The following PTPN14 variants were observed in gnomAD, a reference collection of about 807,000 sequenced individuals.
The protein encoded by PTPN14 is tyrosine-protein phosphatase non-receptor type 14.
A neutral mutation model predicts 126.8 loss-of-function variants in PTPN14; 53 were observed. The ratio of observed to expected loss-of-function variants is 0.42; its 90% CI spans 0.34 to 0.53. The LOEUF (loss-of-function observed/expected upper bound fraction) is 0.53. Ranked by LOEUF, PTPN14 falls within the 20% of genes least tolerant of loss-of-function variation. The probability of loss-of-function intolerance (pLI) is 0.08; values close to 1 mark genes in which losing one functional copy is unlikely to be tolerated. For synonymous variants in PTPN14, 630 were observed against 599.3 expected, an observed-to-expected ratio of 1.05 and a Z score of -0.75; for missense variants, 1,257 against 1,552.9, an observed-to-expected ratio of 0.81 and a Z score of 3.20.
At chr1:214,471,040 C>A (rs201866515) in intron 1 of PTPN14, among the ~76,000 whole-genome samples, 9 of 123,638 alleles carry the variant, frequency 7.3e-5, no homozygotes, top group South Asian at 2.8e-4. Flanking sequence ...AAAAAAAAAA[C>A]AAAACAAAAA....
chr1:214,533,165 G>A (rs1009721281), intron 1 of PTPN14: 24 of 752,974 alleles, frequency 3.2e-5, no homozygotes, highest in Admixed American at 1.6e-4. Context: ...GTGGAGGTCC[G>A]CTACACCCTG....
chr1:214,482,264 G>A (rs1034716949), intron 1 of PTPN14, among the ~76,000 whole-genome samples: 1 of 104,118 alleles, frequency 9.6e-6, no homozygotes, highest in Non-Finnish European at 2.1e-5. Context: ...TCAGAGGGTT[G>A]TAAAAAAAAT....
At chr1:214,450,961 A>T (rs1660259985) in intron 3 of PTPN14, among the ~76,000 whole-genome samples, 1 of 152,174 alleles carries the variant, frequency 6.6e-6, no homozygotes, top group South Asian at 2.1e-4. Flanking sequence ...TCTTCTACTG[A>T]TGGCTTCTTG....
Position 214,378,108 on chromosome 1 carries a change from G to T in PTPN14, c.2545-6C>A. 1 of 1,605,086 alleles carries T rather than the reference G, an allele frequency of 6.2e-7. No homozygotes were observed. The highest frequency in any genetic ancestry group is 8.5e-7 in the Non-Finnish European group (1 of 1,177,726). ...ATCTTCTGCTTCTCTAGATTCTTGC[G>T]GCAAGAAAAGGCATGTGCTCATTGT... On this transcript the variant is annotated splice_region_variant and splice_polypyrimidine_tract_variant and intron_variant, in intron 13 of 18. Transcript: ENST00000366956.
intron 5 of PTPN14, among the ~76,000 whole-genome samples, chr1:214,406,852 G>C (rs1659183543): frequency 6.6e-6 from 1 of 152,134 alleles, no homozygotes; most frequent in African/African-American, 2.4e-5. Flanking sequence ...AAAACTCTGA[G>C]AAGCACCCAA....
intron 1 of PTPN14, among the ~76,000 whole-genome samples, chr1:214,520,065 A>AAAAAAAAAAAATATATATATATAT: frequency 1.4e-5 from 1 of 71,112 alleles, no homozygotes; most frequent in South Asian, 6.5e-4. Context: ...AAAAAAAAAA[A>AAAAAAAAAAAATATATATATATAT]ATATATATAT....
chr1:214,421,093 A>C (rs1420260250), intron 3 of PTPN14, among the ~76,000 whole-genome samples: 1 of 152,190 alleles, frequency 6.6e-6, no homozygotes, highest in African/African-American at 2.4e-5. Flanking sequence ...TTCACACCAA[A>C]ACTGATACAT....
rs112720178 is a variant in PTPN14, at chr1:214,472,548, G to A, written c.-154-7591C>T. 2.5e-3 allele frequency among the ~76,000 whole-genome samples: 386 copies of A among 152,328 alleles called. 1 individual carries two copies. Among genetic ancestry groups the A allele is most frequent in the African/African-American group, 8.9e-3 (372 of 41,568 alleles). ...AACACAGTCATTATGAAGAAAGAATGAATCCTGAGATCACTAGCTTTTTGA... is the reference window on the plus strand; with the variant it reads ...AACACAGTCATTATGAAGAAAGAATAAATCCTGAGATCACTAGCTTTTTGA... On this transcript the variant is annotated intron_variant, in intron 1 of 18. Coordinates refer to ENST00000366956, the MANE Select transcript of PTPN14 (RefSeq NM_005401.5).
intron 3 of PTPN14, among the ~76,000 whole-genome samples, chr1:214,433,101 C>T (rs1659830840): frequency 6.6e-6 from 1 of 151,958 alleles, no homozygotes; most frequent in Admixed American, 6.6e-5. Context: ...GACAGGGTTT[C>T]CCAGTGTTTG....
At position 214,383,539 on chromosome 1, in the gene PTPN14, A is replaced by G. The variant is rs1439328691; in HGVS notation, c.2316T>C (p.Pro772=). Residue 772 remains proline (P), a synonymous_variant, in exon 13 of 19, where the codon CCT becomes CCC. Transcript: ENST00000366956. The surrounding 1 kb of genome is among the most constrained non-coding windows in gnomAD (Gnocchi z 4.4). ...GCACCCTGGCTCTGGCCATGGCGGG[A>G]GGAAGGCTGGCTTGGTCCTGCCTCA... ...GALRQDQASL[P]PAMARARVLR... 1.9e-6 allele frequency: 3 copies of G among 1,613,808 alleles called. No individual in the cohort carries two copies. The South Asian group carries it at 3.3e-5, about 18-fold the overall frequency.
chr1:214,533,534 T>TAAA (rs566782675), intron 1 of PTPN14: 46 of 209,928 alleles, frequency 2.2e-4, no homozygotes, highest in East Asian at 8.5e-4. Context: ...GCGGTTTAAA[T>TAAA]AAAAAAAAAA....
chr1:214,367,003 C>G (rs1403860370), intron 17 of PTPN14, among the ~76,000 whole-genome samples: 1 of 149,686 alleles, frequency 6.7e-6, no homozygotes, highest in Non-Finnish European at 1.5e-5. Context: ...AAAAAAAATA[C>G]TATGTCTTTT....
intron 16 of PTPN14, among the ~76,000 whole-genome samples, chr1:214,371,833 A>G (rs1265016879): frequency 6.6e-6 from 1 of 152,158 alleles, no homozygotes; most frequent in Non-Finnish European, 1.5e-5. Context: ...CTGTGCTGAG[A>G]AGCAAATGCT....
rs1657855023 is a variant in PTPN14, at chr1:214,357,664, G to GGT, written c.*256_*257dup. On this transcript the variant is annotated 3_prime_UTR_variant, in exon 19 of 19. Transcript: ENST00000366956. ...TTACAATACAGATCAGTCAAGATGT[G>GGT]GTTCAAATGAAAAGTACTATATTAC... 1 of 296,976 alleles carries GGT rather than the reference G, an allele frequency of 3.4e-6. No individual in the cohort carries two copies. 18.4% of individuals were successfully genotyped at this position (296,976 alleles called of 1,614,324 possible).
At chr1:214,375,338 C>T (rs548220171) in intron 15 of PTPN14, among the ~76,000 whole-genome samples, 1 of 152,198 alleles carries the variant, frequency 6.6e-6, no homozygotes, top group East Asian at 1.9e-4. Flanking sequence ...TAGACAAGGC[C>T]GAAAACAGGT....
intron 10 of PTPN14, 76 bp from the exon 11 acceptor site, chr1:214,391,121 G>T: frequency 3.5e-6 from 4 of 1,138,198 alleles, no homozygotes; most frequent in Admixed American, 2.5e-5. Flanking sequence ...GGGAAGGAGA[G>T]GAAGAGAATA....
intron 3 of PTPN14, among the ~76,000 whole-genome samples, chr1:214,434,588 T>C (rs1659870525): frequency 6.6e-6 from 1 of 151,892 alleles, no homozygotes; most frequent in Non-Finnish European, 1.5e-5. Context: ...AAGTGTGAAA[T>C]ATTTTGTGGT....
chr1:214,462,906 A>C (rs965340188), intron 2 of PTPN14, among the ~76,000 whole-genome samples: 6 of 152,224 alleles, frequency 3.9e-5, no homozygotes, highest in African/African-American at 1.2e-4. Flanking sequence ...AACAATTATA[A>C]ATTATTAAAC....
Position 214,383,772 on chromosome 1 carries a change from TGTG to T in PTPN14, c.2080_2082del (p.His694del), listed in dbSNP as rs760917556. ...ATAGTGGCATCAGAGAAGGTCTTCT[TGTG>T]GTGATACTGAGGGAGCTGGGGGACC... On this transcript the variant is annotated inframe_deletion, in exon 13 of 19. Coordinates refer to ENST00000366956, the MANE Select transcript of PTPN14 (RefSeq NM_005401.5). The surrounding 1 kb of genome is among the most constrained non-coding windows in gnomAD (Gnocchi z 4.4). 6.2e-7 allele frequency: 1 copy of T among 1,613,166 alleles called. No individual in the cohort carries two copies. The highest frequency in any genetic ancestry group is 1.1e-5 in the South Asian group (1 of 91,084).
Sources: gnomAD v4.1 joint callset for allele counts (sites outside exome capture counted in the v4.1 genomes callset) on GRCh38, gnomAD v4.1.1 for gene constraint, Gnocchi (gnomAD v3.1) non-coding constraint, MANE v1.5 for transcripts, NCBI Gene and HGNC (gene_info 2026-07-23, HGNC 2026-07-21) for gene names.